The following PYGB variants were observed in gnomAD, a reference collection of about 807,000 sequenced individuals.
The protein encoded by PYGB is glycogen phosphorylase B, also known as glycogen phosphorylase, brain form.
In PYGB, 82 loss-of-function variants were observed where a neutral mutation model predicts 94.3. That is an observed-to-expected ratio of 0.87 (90% confidence interval 0.73 to 1.04). PYGB has a LOEUF of 1.04. Ranked by LOEUF, PYGB falls within the 50% of genes least tolerant of loss-of-function variation. The pLI, the probability that PYGB is intolerant of heterozygous loss-of-function variation, is 0.00. For missense variants in PYGB, 1,132 were observed against 1,158.2 expected, an observed-to-expected ratio of 0.98 and a Z score of 0.33; for synonymous variants, 488 against 479.1, an observed-to-expected ratio of 1.02 and a Z score of -0.24.
In PYGB at chr20:25,296,871, T is replaced by G. The variant is rs2088555285; in HGVS notation, c.*349T>G. The G allele has an allele frequency of 3.0e-5, 7 of 235,064 alleles. No individual in the cohort carries two copies. The South Asian group carries it at 4.5e-4, about 15-fold the overall frequency. 14.6% of individuals were successfully genotyped at this position (235,064 alleles called of 1,614,324 possible). On this transcript the variant is annotated 3_prime_UTR_variant, in exon 20 of 20. Coordinates refer to ENST00000216962, the MANE Select transcript of PYGB (RefSeq NM_002862.4). Reference sequence around the variant, plus strand: ...ATCTTGCTATGTATTAGCCGATGTCTTTAGTGTTGAGCCTCTGGATTCTGG... The same window carrying G: ...ATCTTGCTATGTATTAGCCGATGTCGTTAGTGTTGAGCCTCTGGATTCTGG...
At chr20:25,280,163 C>A in intron 9 of PYGB, 103 bp from the exon 10 acceptor site, 1 of 1,416,428 alleles carries the variant, frequency 7.1e-7, no homozygotes, top group South Asian at 1.3e-5. Context: ...CCTGGGGTAC[C>A]CAGCATCTGC....
intron 19 of PYGB, 92 bp downstream of exon 19, chr20:25,295,762 A>G (rs781572943): frequency 2.3e-4 from 319 of 1,407,320 alleles, no homozygotes; most frequent in Non-Finnish European, 3.1e-4. Context: ...AGCTGAGTAG[A>G]TTCTTGGCCT....
intron 4 of PYGB, among the ~76,000 whole-genome samples, chr20:25,274,299 T>A (rs968448179): frequency 1.7e-4 from 26 of 152,184 alleles, no homozygotes; most frequent in Non-Finnish European, 3.1e-4. Flanking sequence ...TCACTGAGTG[T>A]AGGTTTTTCA....
chr20:25,284,779 G>A (rs2088402819), intron 14 of PYGB: 2 of 152,374 alleles, frequency 1.3e-5, no homozygotes, highest in South Asian at 2.1e-4. Context: ...ATCTTATTTA[G>A]AAAGATTATG....
At chr20:25,248,497 T>A in intron 1 of PYGB, 76 bp downstream of exon 1, 1 of 1,271,420 alleles carries the variant, frequency 7.9e-7, no homozygotes, top group Non-Finnish European at 9.9e-7. Context: ...AGCGGGGGTC[T>A]CTGCGGGGCG....
chr20:25,286,924 T>C (rs1302503692), intron 14 of PYGB, among the ~76,000 whole-genome samples: 1 of 152,240 alleles, frequency 6.6e-6, no homozygotes, highest in East Asian at 1.9e-4. Flanking sequence ...TGTTTCGTTT[T>C]TCCTGTTCTC....
In PYGB at chr20:25,248,343, G is replaced by A; in HGVS notation, c.165G>A (p.Ala55=). 1 of 1,602,724 alleles carries A rather than the reference G, an allele frequency of 6.2e-7. No homozygotes were observed. The highest frequency in any genetic ancestry group is 1.1e-5 in the South Asian group (1 of 89,384). Residue 55 remains alanine (A), a synonymous_variant, in exon 1 of 20, where the codon GCG becomes GCA. Coordinates refer to ENST00000216962, the MANE Select transcript of PYGB (RefSeq NM_002862.4). ...NVATPRDYFF[A]LAHTVRDHLV... The stretch of plus-strand genomic sequence containing the variant: ...CCACGCCCCGCGACTACTTCTTCGC[G>A]CTGGCGCACACGGTGCGCGACCACC...
chr20:25,278,999 A>G, intron 8 of PYGB, 58 bp from the exon 9 acceptor site: 1 of 1,527,228 alleles, frequency 6.5e-7, no homozygotes, highest in South Asian at 1.2e-5. Context: ...TATGCCAACA[A>G]CCGTGGGTGC....
At chr20:25,276,347 G>A (rs1408528681) in intron 5 of PYGB, among the ~76,000 whole-genome samples, 1 of 152,166 alleles carries the variant, frequency 6.6e-6, no homozygotes, top group African/African-American at 2.4e-5. Flanking sequence ...GTCGGGATGG[G>A]GATGATTCTT....
chr20:25,263,617 G>A (rs2123531676), intron 2 of PYGB, among the ~76,000 whole-genome samples: 1 of 152,296 alleles, frequency 6.6e-6, no homozygotes, highest in Admixed American at 6.5e-5. Flanking sequence ...TGATGCCACA[G>A]AAATACAAAC....
intron 10 of PYGB, among the ~76,000 whole-genome samples, chr20:25,280,613 T>C (rs2088357492): frequency 6.6e-6 from 1 of 152,192 alleles, no homozygotes. Flanking sequence ...GGTTCCTCTT[T>C]GTAAATTAAA....
chr20:25,278,441 T>A lies in PYGB; in HGVS notation c.978T>A (p.Cys326Ter), dbSNP rs748930331. The A allele has an allele frequency of 2.5e-6, 4 of 1,614,196 alleles. No homozygotes were observed. In the South Asian group the frequency reaches 4.4e-5, roughly 18 times the overall value. The change falls in exon 8 of 20, where the codon TGT becomes TGA. Residue 326 changes from cysteine (C) to a stop codon, truncating the protein, a stop_gained. Coordinates refer to ENST00000216962, the MANE Select transcript of PYGB (RefSeq NM_002862.4). LOFTEE classifies it high-confidence loss of function. Reference sequence around the variant, plus strand: ...GCTGCCGGGACCCTGTGAGAACCTGTTTCGAGACGTTCCCAGACAAGGTGC... The same window carrying A: ...GCTGCCGGGACCCTGTGAGAACCTGATTCGAGACGTTCCCAGACAAGGTGC... ...KFGCRDPVRT[C>*]FETFPDKVAI...
intron 2 of PYGB, among the ~76,000 whole-genome samples, chr20:25,265,558 T>C (rs1177134830): frequency 2.0e-5 from 3 of 152,148 alleles, no homozygotes; most frequent in Non-Finnish European, 2.9e-5. Flanking sequence ...CATTTACTCA[T>C]TTTAAATCAG....
intron 1 of PYGB, among the ~76,000 whole-genome samples, chr20:25,256,805 T>C (rs1274043902): frequency 6.6e-6 from 1 of 152,052 alleles, no homozygotes; most frequent in African/African-American, 2.4e-5. Context: ...AGCAGCAGGA[T>C]TTGGGGTCAT....
intron 2 of PYGB, among the ~76,000 whole-genome samples, chr20:25,265,852 T>C (rs1028157173): frequency 2.1e-4 from 32 of 152,012 alleles, no homozygotes; most frequent in African/African-American, 6.8e-4. Context: ...GCCTTGGCCT[T>C]CCAAAGTGCT....
At chr20:25,261,978 T>C (rs1391065928) in intron 2 of PYGB, among the ~76,000 whole-genome samples, 1 of 152,172 alleles carries the variant, frequency 6.6e-6, no homozygotes, top group Non-Finnish European at 1.5e-5. Flanking sequence ...TATGGGACTA[T>C]GTGAAGAGAC....
At chr20:25,275,849 A>G (rs2088306382) in intron 5 of PYGB, among the ~76,000 whole-genome samples, 1 of 151,472 alleles carries the variant, frequency 6.6e-6, no homozygotes, top group Admixed American at 6.6e-5. Context: ...GACAGGAGAG[A>G]GGAAGGGAAA....
intron 2 of PYGB, among the ~76,000 whole-genome samples, chr20:25,259,690 T>C (rs540470311): frequency 8.5e-5 from 13 of 152,282 alleles, no homozygotes; most frequent in Non-Finnish European, 1.6e-4. Flanking sequence ...TGCTAACCCA[T>C]GTCTGGTTTC....
chr20:25,252,632 A>G (rs2092891265), intron 1 of PYGB, among the ~76,000 whole-genome samples: 2 of 152,230 alleles, frequency 1.3e-5, no homozygotes, highest in African/African-American at 2.4e-5. Context: ...CAAGGAATAC[A>G]ACCCAGGAAC....
Sources: allele counts gnomAD v4.1 joint callset (sites outside exome capture counted in the v4.1 genomes callset), GRCh38; gene constraint gnomAD v4.1.1; transcripts MANE v1.5; gene names NCBI Gene and HGNC (gene_info 2026-07-23, HGNC 2026-07-21).